The following C10orf67 variants were observed in gnomAD, a reference collection of about 807,000 sequenced individuals.
C10orf67 encodes the protein uncharacterized protein C10orf67, mitochondrial.
A neutral mutation model predicts 35.6 loss-of-function variants in C10orf67; 60 were observed. The ratio of observed to expected loss-of-function variants is 1.68; its 90% confidence interval spans 1.37 to 2.09. The LOEUF (loss-of-function observed/expected upper bound fraction) is 2.09, where lower values mean the gene tolerates loss of function less well. C10orf67 is among the 30% of genes most tolerant of loss of function. The pLI, the probability that C10orf67 is intolerant of heterozygous loss-of-function variation, is 0.00. For missense variants in C10orf67, 474 were observed against 330.2 expected (o/e 1.44, Z -3.38); for synonymous variants, 167 against 115.8 (o/e 1.44, Z -2.84).
intron 5 of C10orf67, 85 bp from the exon 6 acceptor site, chr10:23,291,364 C>T (rs1316735325): frequency 1.6e-6 from 1 of 614,208 alleles, no homozygotes; most frequent in East Asian, 2.8e-5. Flanking sequence ...TACAGAAAAG[C>T]TATCATATAA....
chr10:23,308,553 A>G (rs1423914274), intron 4 of C10orf67, among the ~76,000 whole-genome samples: 1 of 152,088 alleles, frequency 6.6e-6, no homozygotes, highest in Non-Finnish European at 1.5e-5. Flanking sequence ...AACTTCTCAG[A>G]AACACCACGT....
chr10:23,235,182 T>A (rs369343322), intron 13 of C10orf67, among the ~76,000 whole-genome samples: 1 of 152,072 alleles, frequency 6.6e-6, no homozygotes, highest in Non-Finnish European at 1.5e-5. Flanking sequence ...AATAGACTCA[T>A]ACATAGTCAA....
chr10:23,262,611 T>C (rs997661228), intron 10 of C10orf67, among the ~76,000 whole-genome samples: 1 of 152,226 alleles, frequency 6.6e-6, no homozygotes, highest in Non-Finnish European at 1.5e-5. Context: ...AATGTTATAA[T>C]TGTTTCCCAA....
chr10:23,286,952 T>C (rs1031592563), intron 7 of C10orf67, among the ~76,000 whole-genome samples: 2 of 152,056 alleles, frequency 1.3e-5, no homozygotes, highest in African/African-American at 2.4e-5. Context: ...AATCTGAGAA[T>C]ATCTTGAATG....
intron 2 of C10orf67, among the ~76,000 whole-genome samples, chr10:23,325,512 C>G (rs1291430112): frequency 8.8e-5 from 13 of 146,994 alleles, no homozygotes; most frequent in Admixed American, 8.8e-4. Context: ...CTGTTTTAAT[C>G]CAAACAAGTT....
chr10:23,326,428 T>C (rs1845194178), intron 2 of C10orf67, among the ~76,000 whole-genome samples: 1 of 152,208 alleles, frequency 6.6e-6, no homozygotes, highest in Admixed American at 6.5e-5. Flanking sequence ...CGGAATTCTA[T>C]ATTCAATGTA....
At chr10:23,206,544 A>C (rs1232965509) in intron 15 of C10orf67, among the ~76,000 whole-genome samples, 1 of 152,232 alleles carries the variant, frequency 6.6e-6, no homozygotes, top group Non-Finnish European at 1.5e-5. Context: ...ATTGCTTTCA[A>C]GTTGCTTGAA....
At chr10:23,320,235 C>T (rs1378202243) in intron 4 of C10orf67, among the ~76,000 whole-genome samples, 2 of 152,110 alleles carry the variant, frequency 1.3e-5, no homozygotes, top group African/African-American at 2.4e-5. Context: ...TATTGAAATG[C>T]GAAGTGAGAA....
intron 13 of C10orf67, among the ~76,000 whole-genome samples, chr10:23,237,126 C>T (rs549995683): frequency 1.4e-4 from 21 of 152,236 alleles, no homozygotes; most frequent in Admixed American, 1.0e-3. Context: ...TAAGTGAGAA[C>T]ATGTGGTATT....
At chr10:23,342,756 A>T (rs893408646) in intron 1 of C10orf67, among the ~76,000 whole-genome samples, 9 of 152,158 alleles carry the variant, frequency 5.9e-5, no homozygotes, top group Non-Finnish European at 1.3e-4. Flanking sequence ...ATTTTAACAA[A>T]CGTACCCATT....
intron 4 of C10orf67, chr10:23,318,522 A>G (rs1844823643): frequency 5.2e-6 from 1 of 194,038 alleles, no homozygotes; most frequent in Admixed American, 5.8e-5. Context: ...CTTCCTCCAC[A>G]TTCTGTGTTT....
intron 12 of C10orf67, among the ~76,000 whole-genome samples, chr10:23,243,688 CA>C (rs1217352444): frequency 0.089 from 7,192 of 80,380 alleles, 159 homozygotes; most frequent in Non-Finnish European, 0.1. Flanking sequence ...ATCTCTGGCT[CA>C]AAAAAAAAAA....
At chr10:23,206,527 A>G (rs549620981) in intron 15 of C10orf67, among the ~76,000 whole-genome samples, 1 of 152,324 alleles carries the variant, frequency 6.6e-6, no homozygotes, top group East Asian at 1.9e-4. Context: ...TGCCCTGGAG[A>G]TGACCTATTG....
At chr10:23,242,079 C>A (rs1842197827) in intron 12 of C10orf67, among the ~76,000 whole-genome samples, 1 of 152,030 alleles carries the variant, frequency 6.6e-6, no homozygotes, top group Admixed American at 6.6e-5. Context: ...TCAAGCAATT[C>A]TCCTGCCTCA....
intron 10 of C10orf67, among the ~76,000 whole-genome samples, chr10:23,259,959 C>A (rs992694350): frequency 6.6e-6 from 1 of 151,932 alleles, no homozygotes; most frequent in Non-Finnish European, 1.5e-5. Context: ...CAGACATATT[C>A]GAAGGTAAAG....
chr10:23,308,158 CT>C (rs1298841989), intron 4 of C10orf67, among the ~76,000 whole-genome samples: 1 of 152,174 alleles, frequency 6.6e-6, no homozygotes, highest in Non-Finnish European at 1.5e-5. Flanking sequence ...TTTTAAGCCC[CT>C]TCTTCTCTTT....
intron 12 of C10orf67, among the ~76,000 whole-genome samples, chr10:23,249,198 T>C (rs989240932): frequency 1.1e-4 from 11 of 99,646 alleles, no homozygotes; most frequent in South Asian, 3.2e-4. Flanking sequence ...CACTGAAGAA[T>C]AGGGTAAATC....
chr10:23,289,289 G>A (rs909426416), intron 7 of C10orf67, among the ~76,000 whole-genome samples: 4 of 151,968 alleles, frequency 2.6e-5, no homozygotes, highest in African/African-American at 9.7e-5. Flanking sequence ...TCAGCATCCC[G>A]AGTAGCTGGG....
At chr10:23,230,072 C>CATT (rs1841866249) in intron 13 of C10orf67, among the ~76,000 whole-genome samples, 1 of 151,850 alleles carries the variant, frequency 6.6e-6, no homozygotes, top group African/African-American at 2.4e-5. Flanking sequence ...AGGGCATGAG[C>CATT]ATTAGCCTTA....
Sources: gnomAD v4.1 joint callset for allele counts (sites outside exome capture counted in the v4.1 genomes callset) on GRCh38, gnomAD v4.1.1 for gene constraint, MANE v1.5 for transcripts, NCBI Gene and HGNC (gene_info 2026-07-23, HGNC 2026-07-21) for gene names.